Variants in TAFA1 observed in about 807,000 individuals in gnomAD.
The protein encoded by TAFA1 is chemokine-like protein TAFA-1.
In TAFA1, 4 loss-of-function variants were observed where a neutral mutation model predicts 18.5. The observed-to-expected ratio is 0.22, with a 90% CI of 0.11 to 0.49. The LOEUF (loss-of-function observed/expected upper bound fraction) is 0.49. TAFA1 is among the 20% of genes least tolerant of loss of function. The pLI is 0.98. For missense variants in TAFA1, 147 were observed against 169.0 expected, an observed-to-expected ratio of 0.87 and a Z score of 0.72; for synonymous variants, 56 against 55.2, an observed-to-expected ratio of 1.01 and a Z score of -0.06.
the TAFA1 span, among the ~76,000 whole-genome samples, chr3:67,997,902 C>A: frequency 1.3e-5 from 2 of 151,688 alleles, no homozygotes; most frequent in African/African-American, 2.4e-5. Flanking sequence ...TTTCAAGAAA[C>A]AAAAGCACAA....
intron 3 of TAFA1, among the ~76,000 whole-genome samples, chr3:68,422,550 T>C (rs1049191409): frequency 1.5e-4 from 23 of 152,230 alleles, no homozygotes; most frequent in Admixed American, 1.4e-3. Context: ...ATATATTGGA[T>C]TGCTTTAAGG....
chr3:68,542,626 TTATGAATGCATGACCTAGAGG>T (rs1391676946), intron 4 of TAFA1, among the ~76,000 whole-genome samples: 1 of 152,086 alleles, frequency 6.6e-6, no homozygotes, highest in East Asian at 1.9e-4. Context: ...TTGGCAAAGG[TTATGAATGCATGACCTAGAGG>T]TAGGTCTGTG....
At chr3:68,344,190 A>G (rs1272372880) in intron 2 of TAFA1, among the ~76,000 whole-genome samples, 2 of 152,184 alleles carry the variant, frequency 1.3e-5, no homozygotes, top group Admixed American at 6.5e-5. Context: ...ACATTTTATA[A>G]TATCTCTCAA....
intron 2 of TAFA1, among the ~76,000 whole-genome samples, chr3:68,158,167 T>C (rs1436691397): frequency 1.3e-5 from 2 of 152,136 alleles, no homozygotes; most frequent in African/African-American, 4.8e-5. Context: ...TGAGAGGAAA[T>C]GGCCTTCAGA....
rs112629878 is a variant in TAFA1 at position 68,057,317 on chromosome 3, G to A, written c.118+50573G>A. Among the ~76,000 whole-genome samples the A allele has an allele frequency of 2.3e-3, 357 of 152,228 alleles. 2 individuals are homozygous for A. The highest frequency in any genetic ancestry group is 8.1e-3 in the African/African-American group (338 of 41,554). On this transcript the variant is annotated intron_variant, in intron 2 of 4. Coordinates refer to ENST00000478136, the MANE Select transcript of TAFA1 (RefSeq NM_213609.4). ...AAACAGAACTCCTGTATTCACCCAA[G>A]GCCAGCTCGTTCTCATCAGTGTTGA...
intron 3 of TAFA1, among the ~76,000 whole-genome samples, chr3:68,483,812 C>G (rs188643608): frequency 8.0e-4 from 122 of 152,272 alleles, no homozygotes; most frequent in Non-Finnish European, 1.6e-3. Flanking sequence ...AAAAAACAGG[C>G]AAAGGGCCAG....
intron 2 of TAFA1, among the ~76,000 whole-genome samples, chr3:68,414,993 A>T (rs141357085): frequency 9.9e-4 from 151 of 152,268 alleles, no homozygotes; most frequent in African/African-American, 3.5e-3. Flanking sequence ...GTAGCTGACA[A>T]TTATAAGCTA....
At chr3:68,310,072 T>C (rs2106674394) in intron 2 of TAFA1, among the ~76,000 whole-genome samples, 1 of 152,332 alleles carries the variant, frequency 6.6e-6, no homozygotes, top group Non-Finnish European at 1.5e-5. Flanking sequence ...TACAAAATTA[T>C]ACAAATCATA....
intron 2 of TAFA1, among the ~76,000 whole-genome samples, chr3:68,078,795 G>A (rs2064859200): frequency 6.6e-6 from 1 of 152,170 alleles, no homozygotes; most frequent in Admixed American, 6.5e-5. Flanking sequence ...GTCTCTGCCT[G>A]GCTTTGGTAT....
intron 2 of TAFA1, among the ~76,000 whole-genome samples, chr3:68,108,023 C>A (rs184095776): frequency 6.6e-6 from 1 of 152,036 alleles, no homozygotes; most frequent in Non-Finnish European, 1.5e-5. Flanking sequence ...CAGAAAATGA[C>A]AGGCTGATTG....
At chr3:68,112,723 A>G (rs2065275886) in intron 2 of TAFA1, among the ~76,000 whole-genome samples, 1 of 152,188 alleles carries the variant, frequency 6.6e-6, no homozygotes, top group Non-Finnish European at 1.5e-5. Context: ...AGGTGATATT[A>G]GCAAGGTTGC....
chr3:68,465,693 C>T (rs2071874623), intron 3 of TAFA1, among the ~76,000 whole-genome samples: 1 of 152,162 alleles, frequency 6.6e-6, no homozygotes, highest in African/African-American at 2.4e-5. Context: ...CGTCTCTAGC[C>T]ACAGGTCCAT....
intron 3 of TAFA1, among the ~76,000 whole-genome samples, chr3:68,465,621 A>G (rs1190598134): frequency 6.6e-6 from 1 of 152,222 alleles, no homozygotes; most frequent in Non-Finnish European, 1.5e-5. Context: ...TGGGTCTTCT[A>G]TCTTGCTCTC....
At chr3:68,484,275 T>A (rs2072294887) in intron 3 of TAFA1, among the ~76,000 whole-genome samples, 1 of 152,214 alleles carries the variant, frequency 6.6e-6, no homozygotes, top group African/African-American at 2.4e-5. Flanking sequence ...GCACTCTGCC[T>A]AGTGGTTACC....
At chr3:68,072,996 G>C (rs78732829) in intron 2 of TAFA1, among the ~76,000 whole-genome samples, 2,065 of 152,286 alleles carry the variant, frequency 0.014, 52 homozygotes, top group African/African-American at 0.046. Context: ...TAAAAAGGAA[G>C]AATGTACTCT....
At chr3:68,202,109 T>C (rs1055954806) in intron 2 of TAFA1, among the ~76,000 whole-genome samples, 10 of 151,698 alleles carry the variant, frequency 6.6e-5, no homozygotes, top group Non-Finnish European at 1.2e-4. Flanking sequence ...CACCACCTCA[T>C]TGGGGATCAA....
At chr3:68,180,826 C>T (rs576059216) in intron 2 of TAFA1, among the ~76,000 whole-genome samples, 1 of 152,218 alleles carries the variant, frequency 6.6e-6, no homozygotes, top group African/African-American at 2.4e-5. Context: ...TCTGTATCCC[C>T]TCTCTCTCTG....
At chr3:68,181,620 A>G (rs1054388835) in intron 2 of TAFA1, among the ~76,000 whole-genome samples, 1 of 152,160 alleles carries the variant, frequency 6.6e-6, no homozygotes, top group African/African-American at 2.4e-5. Flanking sequence ...AATTCCCTTC[A>G]TATGTGGTTC....
intron 2 of TAFA1, among the ~76,000 whole-genome samples, chr3:68,306,722 A>T (rs6549115): frequency 0.82 from 123,930 of 151,992 alleles, 50,833 homozygotes; most frequent in African/African-American, 0.9. Context: ...TTGGACTGAG[A>T]TGTGGTCTCC....
Sources: gnomAD v4.1 joint callset for allele counts (sites outside exome capture counted in the v4.1 genomes callset) on GRCh38, gnomAD v4.1.1 for gene constraint, MANE v1.5 for transcripts, NCBI Gene and HGNC (gene_info 2026-07-23, HGNC 2026-07-21) for gene names.